ASAP1: variants seen among roughly 807,000 people sequenced by gnomAD.
ASAP1 encodes the protein arf-GAP with SH3 domain, ANK repeat and PH domain-containing protein 1.
Under a neutral mutation model 145.2 loss-of-function variants are expected in ASAP1, and 43 were observed. The ratio of observed to expected loss-of-function variants is 0.30; its 90% CI spans 0.23 to 0.38. ASAP1 has a LOEUF of 0.38. Among genes scored for constraint, ASAP1 ranks in the 10% least tolerant of loss-of-function variants. The probability of loss-of-function intolerance (pLI) is 1.00; values close to 1 mark genes in which losing one functional copy is unlikely to be tolerated. For synonymous variants in ASAP1, 546 were observed against 515.5 expected, an observed-to-expected ratio of 1.06 and a Z score of -0.80; for missense variants, 1,018 against 1,355.3, an observed-to-expected ratio of 0.75 and a Z score of 3.91.
intron 4 of ASAP1, among the ~76,000 whole-genome samples, chr8:130,234,214 T>C (rs1309849914): frequency 6.6e-6 from 1 of 152,168 alleles, no homozygotes; most frequent in African/African-American, 2.4e-5. Flanking sequence ...TTCTGCACTA[T>C]CCAATATGGC....
chr8:130,184,953 A>T (rs1586543975), intron 7 of ASAP1, among the ~76,000 whole-genome samples: 1 of 152,300 alleles, frequency 6.6e-6, no homozygotes, highest in African/African-American at 2.4e-5. Context: ...ACTGGTAATG[A>T]TTTCTAAGTC....
At chr8:130,422,886 T>G (rs2138717537) in intron 1 of ASAP1, among the ~76,000 whole-genome samples, 1 of 152,316 alleles carries the variant, frequency 6.6e-6, no homozygotes, top group East Asian at 1.9e-4. Context: ...CATGGAATGA[T>G]AAAGATGGAT....
At chr8:130,239,381 T>TATATC (rs1818394877) in intron 3 of ASAP1, among the ~76,000 whole-genome samples, 1 of 152,144 alleles carries the variant, frequency 6.6e-6, no homozygotes, top group Non-Finnish European at 1.5e-5. Context: ...ATATTCTTAT[T>TATATC]ATATCCATTT....
At chr8:130,141,595 C>T (rs2097611537) in intron 13 of ASAP1, among the ~76,000 whole-genome samples, 1 of 152,212 alleles carries the variant, frequency 6.6e-6, no homozygotes, top group Admixed American at 6.5e-5. Context: ...GCTTGGCACA[C>T]ATCGGGTACT....
rs1378233867 is a variant in ASAP1, at chr8:130,401,868, G to A, written c.59+17C>T. The A allele has an allele frequency of 6.2e-7, 1 of 1,612,124 alleles. No individual in the cohort carries two copies. Among genetic ancestry groups the A allele is most frequent in the Non-Finnish European group, 8.5e-7 (1 of 1,178,988 alleles). On this transcript the variant is annotated intron_variant, in intron 2 of 29. Coordinates refer to ENST00000518721, the MANE Select transcript of ASAP1 (RefSeq NM_018482.4). ...CACGCCGAGTTTTCTGGACAGGATG[G>A]GCTAGAGATCACTCACCGATTCCAT...
At chr8:130,338,516 A>G (rs1308409698) in intron 3 of ASAP1, among the ~76,000 whole-genome samples, 4 of 152,340 alleles carry the variant, frequency 2.6e-5, no homozygotes, top group South Asian at 4.1e-4. Context: ...CTACTCCCCA[A>G]TAGCTTTACT....
chr8:130,054,796 T>A lies in ASAP1; in HGVS notation c.3325A>T (p.Ile1109Phe). Residue 1109 changes from isoleucine (I) to phenylalanine (F), a missense_variant, in exon 30 of 30, where the codon ATC becomes TTC. This residue lies in a region of ASAP1 where 62 missense variants were observed against 97.8 expected (regional missense o/e 0.63). Transcript: ENST00000518721. ...CCCTTCCTTTCAGGCTGTCCTTCGATGTGGCCAATCTGCAGGGAGAAAAGA... is the reference window on the plus strand; with the variant it reads ...CCCTTCCTTTCAGGCTGTCCTTCGAAGTGGCCAATCTGCAGGGAGAAAAGA... ...EEDQEWWIGH[I>F]EGQPERKGVF... The A allele has an allele frequency of 6.2e-7, 1 of 1,613,434 alleles. No homozygotes were observed. The highest frequency in any genetic ancestry group is 8.5e-7 in the Non-Finnish European group (1 of 1,179,494).
intron 1 of ASAP1, among the ~76,000 whole-genome samples, chr8:130,432,724 G>A (rs370409056): frequency 2.6e-5 from 4 of 152,116 alleles, no homozygotes; most frequent in African/African-American, 9.7e-5. Context: ...CAAAAGAAGA[G>A]GGGCTTTTTC....
At chr8:130,243,994 T>C (rs1818699173) in intron 3 of ASAP1, among the ~76,000 whole-genome samples, 1 of 151,964 alleles carries the variant, frequency 6.6e-6, no homozygotes. Flanking sequence ...ATATCTATTA[T>C]TTTTTTTACT....
chr8:130,435,091 A>G (rs891633624), intron 1 of ASAP1, among the ~76,000 whole-genome samples: 13 of 152,188 alleles, frequency 8.5e-5, no homozygotes, highest in Non-Finnish European at 1.5e-4. Flanking sequence ...AGGCTCCTAC[A>G]CTTCCATACT....
chr8:130,245,737 T>C (rs566888802), intron 3 of ASAP1, among the ~76,000 whole-genome samples: 1 of 152,332 alleles, frequency 6.6e-6, no homozygotes, highest in South Asian at 2.1e-4. Flanking sequence ...AATCTGCCTC[T>C]ATATTAAAAG....
chr8:130,086,385 C>A lies in ASAP1; in HGVS notation c.2572+5588G>T, dbSNP rs368459423. Among the ~76,000 whole-genome samples the A allele has an allele frequency of 3.3e-5, 5 of 152,314 alleles. No individual in the cohort carries two copies. In the East Asian group the frequency reaches 5.8e-4, roughly 18 times the overall value. On this transcript the variant is annotated intron_variant, in intron 25 of 29. Coordinates refer to ENST00000518721, the MANE Select transcript of ASAP1 (RefSeq NM_018482.4). ...ACATGCGAAGTGCTCAACACAATGC[C>A]CAGCACTCTGTGAGGCACTTACAAG... is the stretch of plus-strand genomic sequence containing the variant.
At chr8:130,334,105 G>T (rs530246348) in intron 3 of ASAP1, among the ~76,000 whole-genome samples, 1 of 152,172 alleles carries the variant, frequency 6.6e-6, no homozygotes, top group Non-Finnish European at 1.5e-5. Flanking sequence ...ACGTGAAAAT[G>T]CAAGAGGCTT....
intron 1 of ASAP1, among the ~76,000 whole-genome samples, chr8:130,442,280 A>C (rs1469639437): frequency 2.0e-5 from 3 of 152,148 alleles, no homozygotes; most frequent in African/African-American, 7.2e-5. Flanking sequence ...GAGCCTGAAG[A>C]AGTGGAAACT....
chr8:130,080,655 T>C (rs1305749890), intron 25 of ASAP1, among the ~76,000 whole-genome samples: 1 of 151,812 alleles, frequency 6.6e-6, no homozygotes. Context: ...TTTTTTGAGA[T>C]GGAGTCTCAC....
At chr8:130,387,141 T>C (rs1408911581) in intron 2 of ASAP1, among the ~76,000 whole-genome samples, 1 of 152,218 alleles carries the variant, frequency 6.6e-6, no homozygotes, top group Non-Finnish European at 1.5e-5. Flanking sequence ...ATGAATTGGG[T>C]ATCCAAGGCT....
At chr8:130,072,825 G>GTGTGTGCGTGTGCGCATGCGCGCGCA in intron 27 of ASAP1, among the ~76,000 whole-genome samples, 2 of 54,098 alleles carry the variant, frequency 3.7e-5, no homozygotes, top group African/African-American at 9.1e-5. Flanking sequence ...GTGTGTGTGT[G>GTGTGTGCGTGTGCGCATGCGCGCGCA]CGCGCGGGGG....
At chr8:130,106,876 C>A (rs1274580601) in intron 24 of ASAP1, among the ~76,000 whole-genome samples, 1 of 152,232 alleles carries the variant, frequency 6.6e-6, no homozygotes, top group Non-Finnish European at 1.5e-5. Context: ...ATACTGTGTC[C>A]TCTTTCCCTG....
chr8:130,161,954 C>T (rs770100777), intron 11 of ASAP1, among the ~76,000 whole-genome samples: 1 of 152,060 alleles, frequency 6.6e-6, no homozygotes, highest in Non-Finnish European at 1.5e-5. Flanking sequence ...GTGTGTGCTA[C>T]CATGTCAGGC....
Sources: gnomAD v4.1 joint callset for allele counts (sites outside exome capture counted in the v4.1 genomes callset) on GRCh38, gnomAD v4.1.1 for gene constraint, gnomAD v4.1.1 regional missense constraint, MANE v1.5 for transcripts, NCBI Gene and HGNC (gene_info 2026-07-23, HGNC 2026-07-21) for gene names.